CCSER1: variants seen among roughly 807,000 people sequenced by gnomAD.
CCSER1 encodes the protein serine-rich coiled-coil domain-containing protein 1.
Under a neutral mutation model 82.0 loss-of-function variants are expected in CCSER1, and 41 were observed. The ratio of observed to expected loss-of-function variants is 0.50; its 90% CI spans 0.39 to 0.65. The LOEUF (loss-of-function observed/expected upper bound fraction) is 0.65, where lower values mean the gene tolerates loss of function less well. Ranked by LOEUF, CCSER1 falls within the 30% of genes least tolerant of loss-of-function variation. The pLI is 0.00. For missense variants in CCSER1, 1,119 were observed against 1,064.2 expected, an observed-to-expected ratio of 1.05 and a Z score of -0.72; for synonymous variants, 414 against 383.9, an observed-to-expected ratio of 1.08 and a Z score of -0.92.
intron 1 of CCSER1, among the ~76,000 whole-genome samples, chr4:90,150,560 A>G (rs1726644032): frequency 2.0e-5 from 3 of 152,150 alleles, no homozygotes; most frequent in Admixed American, 2.0e-4. Flanking sequence ...AAGCATTTTG[A>G]ACATATAAAC....
chr4:91,367,448 T>TTA (rs1749710827), intron 10 of CCSER1, among the ~76,000 whole-genome samples: 1 of 149,354 alleles, frequency 6.7e-6, no homozygotes, highest in South Asian at 2.1e-4. Context: ...TTTTTTTTTT[T>TTA]AACACACAGA....
chr4:90,798,492 C>T (rs1392948501), intron 7 of CCSER1, among the ~76,000 whole-genome samples: 1 of 151,132 alleles, frequency 6.6e-6, no homozygotes, highest in Admixed American at 6.6e-5. Flanking sequence ...AGCCATCTCA[C>T]CCTGGTTTAG....
At chr4:90,927,299 C>T (rs1729185714) in intron 9 of CCSER1, among the ~76,000 whole-genome samples, 1 of 152,020 alleles carries the variant, frequency 6.6e-6, no homozygotes, top group Non-Finnish European at 1.5e-5. Context: ...AAAGCAGTTT[C>T]TTCCTTCATT....
At chr4:90,616,717 A>C (rs1295814811) in intron 5 of CCSER1, among the ~76,000 whole-genome samples, 1 of 126,098 alleles carries the variant, frequency 7.9e-6, no homozygotes, top group Admixed American at 7.6e-5. Context: ...ACACACACAC[A>C]CACACACACA....
intron 10 of CCSER1, among the ~76,000 whole-genome samples, chr4:91,113,146 A>G (rs566646984): frequency 2.6e-5 from 4 of 152,204 alleles, no homozygotes; most frequent in Non-Finnish European, 5.9e-5. Flanking sequence ...CTTCTAGGGT[A>G]GGGATTGTGT....
intron 10 of CCSER1, among the ~76,000 whole-genome samples, chr4:91,544,305 T>C (rs1761769331): frequency 6.6e-6 from 1 of 152,196 alleles, no homozygotes; most frequent in South Asian, 2.1e-4. Flanking sequence ...CCTTCTTCTC[T>C]CAACTCGTCA....
In CCSER1 at chr4:91,314,191, G is replaced by T. The variant is rs561483585; in HGVS notation, c.2217+228197G>T. 1.5e-4 allele frequency among the ~76,000 whole-genome samples: 23 copies of T among 152,044 alleles called. No individual in the cohort carries two copies. In the East Asian group the frequency reaches 4.5e-3, roughly 30 times the overall value. Reference sequence around the variant, plus strand: ...AAACAAGTGGTAAATAAGTTACCCAGGTTGTTTTATTCTCCCTTACTGTAT... The same window carrying T: ...AAACAAGTGGTAAATAAGTTACCCATGTTGTTTTATTCTCCCTTACTGTAT... On this transcript the variant is annotated intron_variant, in intron 10 of 10. Coordinates refer to ENST00000509176, the MANE Select transcript of CCSER1 (RefSeq NM_001145065.2).
Position 91,385,479 on chromosome 4 carries a change from A to G in CCSER1, c.2218-213093A>G, listed in dbSNP as rs940245822. On this transcript the variant is annotated intron_variant, in intron 10 of 10. Transcript: ENST00000509176. Reference sequence around the variant, plus strand: ...GGGAGCTCCTGATGCTTCTCTGACTATGCTTTTCTGCATTGTTCTGACTTT... The same window carrying G: ...GGGAGCTCCTGATGCTTCTCTGACTGTGCTTTTCTGCATTGTTCTGACTTT... Among the ~76,000 whole-genome samples the G allele has an allele frequency of 8.5e-5, 13 of 152,094 alleles. No individual in the cohort carries two copies. In the South Asian group the frequency reaches 2.3e-3, roughly 27 times the overall value.
intron 10 of CCSER1, among the ~76,000 whole-genome samples, chr4:91,393,503 C>G (rs1343460099): frequency 6.6e-6 from 1 of 152,012 alleles, no homozygotes; most frequent in Non-Finnish European, 1.5e-5. Context: ...ATGAAATCCA[C>G]TTTTATGAAA....
chr4:90,779,793 A>G (rs1032094834), intron 7 of CCSER1, among the ~76,000 whole-genome samples: 1 of 152,190 alleles, frequency 6.6e-6, no homozygotes, highest in African/African-American at 2.4e-5. Context: ...TGAAAAGTAT[A>G]CTTGTGAGGA....
chr4:90,972,973 GA>G (rs1735261172), intron 9 of CCSER1, among the ~76,000 whole-genome samples: 1 of 151,710 alleles, frequency 6.6e-6, no homozygotes, highest in Non-Finnish European at 1.5e-5. Context: ...GTAGAAGAAA[GA>G]AACTGGACCA....
chr4:90,643,447 A>G (rs796634742), intron 6 of CCSER1, among the ~76,000 whole-genome samples: 8 of 152,258 alleles, frequency 5.3e-5, no homozygotes, highest in African/African-American at 1.9e-4. Flanking sequence ...AGGAGCAAGA[A>G]TATACAGTCT....
At chr4:91,565,025 GTTGTGTGTGTGTGTGTGTGTGTGTGT>G (rs1560767190) in intron 10 of CCSER1, among the ~76,000 whole-genome samples, 5 of 120,424 alleles carry the variant, frequency 4.2e-5, no homozygotes, top group South Asian at 2.8e-4. Flanking sequence ...TGCACCTTGA[GTTGTGTGTGTGTGTGTGTGTGTGTGT>G]GTGTGTGTGT....
intron 5 of CCSER1, among the ~76,000 whole-genome samples, chr4:90,515,911 A>G (rs1772199188): frequency 6.6e-6 from 1 of 152,014 alleles, no homozygotes; most frequent in Non-Finnish European, 1.5e-5. Context: ...GAAAGAAAGG[A>G]CTCTTATTGA....
rs1309535662 is a variant in CCSER1, at chr4:91,601,329, C to T, written c.*2272C>T. ...AAAAGAAAACCTGGATTAAACAGTT[C>T]GATTTTAAAAGGAAGGGTATTTTTT... On this transcript the variant is annotated 3_prime_UTR_variant, in exon 11 of 11. Transcript: ENST00000509176. 3.3e-5 allele frequency: 5 copies of T among 151,944 alleles called. No homozygotes were observed. The highest frequency in any genetic ancestry group is 2.0e-4 in the Admixed American group (3 of 15,234). 9.4% of individuals were successfully genotyped at this position (151,944 alleles called of 1,614,324 possible).
chr4:91,183,360 AC>A (rs1375534578), intron 10 of CCSER1, among the ~76,000 whole-genome samples: 4 of 152,236 alleles, frequency 2.6e-5, no homozygotes, highest in African/African-American at 9.6e-5. Context: ...AAGAAGCTTT[AC>A]CATTACTAGA....
At chr4:90,913,882 C>G (rs1726851405) in intron 8 of CCSER1, among the ~76,000 whole-genome samples, 1 of 151,976 alleles carries the variant, frequency 6.6e-6, no homozygotes, top group Non-Finnish European at 1.5e-5. Context: ...CAACAAAAAT[C>G]AAAAGAGACA....
chr4:90,460,324 CAAA>C (rs751331396), intron 4 of CCSER1, among the ~76,000 whole-genome samples: 10 of 32,652 alleles, frequency 3.1e-4, no homozygotes, highest in African/African-American at 1.5e-3. Flanking sequence ...AACTCCGTCT[CAAA>C]AAAAAAAAAA....
chr4:91,158,620 C>CTGTG (rs145928017), intron 10 of CCSER1, among the ~76,000 whole-genome samples: 128 of 148,662 alleles, frequency 8.6e-4, no homozygotes, highest in South Asian at 1.1e-3. Context: ...CCCTCTCTTT[C>CTGTG]TGTGTGTGTG....
Sources: allele counts gnomAD v4.1 joint callset (sites outside exome capture counted in the v4.1 genomes callset), GRCh38; gene constraint gnomAD v4.1.1; transcripts MANE v1.5; gene names NCBI Gene and HGNC (gene_info 2026-07-23, HGNC 2026-07-21).